The following PIGB variants were observed in gnomAD, a reference collection of about 807,000 sequenced individuals.
PIGB encodes GPI alpha-1,2-mannosyltransferase 3.
Under a neutral mutation model 68.4 loss-of-function variants are expected in PIGB, and 58 were observed. That is an observed-to-expected ratio of 0.85 (90% CI 0.69 to 1.06). The LOEUF is 1.06. Ranked by LOEUF, PIGB falls within the 50% of genes least tolerant of loss-of-function variation. The pLI is 0.00. For synonymous variants in PIGB, 219 were observed against 220.5 expected (o/e 0.99, Z 0.06); for missense variants, 634 against 655.8 (o/e 0.97, Z 0.36).
At chr15:55,321,249 A>T in intron 2 of PIGB, 24 bp from the exon 3 acceptor site, 2 of 1,539,894 alleles carry the variant, frequency 1.3e-6, no homozygotes, top group Admixed American at 2.2e-5. Context: ...ATATTATTGG[A>T]CATTTACTCC....
intron 5 of PIGB, among the ~76,000 whole-genome samples, chr15:55,333,019 A>G (rs1319962931): frequency 6.6e-6 from 1 of 152,176 alleles, no homozygotes; most frequent in African/African-American, 2.4e-5. Flanking sequence ...GTTTCTTTAA[A>G]TGCTCATGCT....
chr15:55,319,414 G>A lies in PIGB; in HGVS notation c.163+1G>A. On this transcript the variant is annotated splice_donor_variant, in intron 1 of 11. Transcript: ENST00000164305. LOFTEE classifies it high-confidence loss of function. The stretch of plus-strand genomic sequence containing the variant: ...GAGAAGAGCGCCAGGCGCCGCGGGG[G>A]TGAGTGAGGGGACACTGTCTGGAGA... The A allele has an allele frequency of 1.3e-6, 2 of 1,551,486 alleles. No homozygotes were observed. The highest frequency in any genetic ancestry group is 1.7e-6 in the Non-Finnish European group (2 of 1,146,820).
At chr15:55,343,777 C>T (rs2055727056) in intron 9 of PIGB, among the ~76,000 whole-genome samples, 1 of 152,166 alleles carries the variant, frequency 6.6e-6, no homozygotes, top group Non-Finnish European at 1.5e-5. Flanking sequence ...CCTTGATCTC[C>T]TCACAGGATG....
intron 3 of PIGB, among the ~76,000 whole-genome samples, chr15:55,322,191 A>G (rs1465993315): frequency 3.9e-5 from 6 of 151,940 alleles, no homozygotes; most frequent in Non-Finnish European, 8.8e-5. Flanking sequence ...CCCGCAAAAA[A>G]AGTATCACTT....
chr15:55,333,158 G>T (rs2141184186), intron 5 of PIGB, among the ~76,000 whole-genome samples: 1 of 152,002 alleles, frequency 6.6e-6, no homozygotes, highest in African/African-American at 2.4e-5. Flanking sequence ...TAGCACACAA[G>T]ACTGGCATTA....
At chr15:55,343,907 A>G (rs2055730357) in intron 9 of PIGB, among the ~76,000 whole-genome samples, 1 of 152,204 alleles carries the variant, frequency 6.6e-6, no homozygotes, top group African/African-American at 2.4e-5. Flanking sequence ...TTCCAACAGT[A>G]GGATCAGTTC....
chr15:55,353,126 C>A (rs929124601), intron 10 of PIGB, among the ~76,000 whole-genome samples: 2 of 152,190 alleles, frequency 1.3e-5, no homozygotes, highest in Non-Finnish European at 2.9e-5. Context: ...GTTCTTTATA[C>A]TTAACTGTAG....
In PIGB at chr15:55,320,323, G is replaced by A. The variant is rs369838467; in HGVS notation, c.212G>A (p.Arg71Gln). ...IYLLLFTIAL[R>Q]ILNCFLVQTS... ...CTGCTCTTGTTTACCATAGCTTTAC[G>A]AATATTAAACTGCTTTTTAGTGCAG... Residue 71 changes from arginine to glutamine, a missense_variant, in exon 2 of 12, where the codon CGA becomes CAA. By Grantham distance (43) the Arg-to-Gln change is conservative. Transcript: ENST00000164305. The A allele has an allele frequency of 6.2e-6, 10 of 1,612,606 alleles. No homozygotes were observed. The highest frequency in any genetic ancestry group is 2.7e-5 in the African/African-American group (2 of 74,878).
At chr15:55,347,283 G>A (rs550675761) in intron 9 of PIGB, among the ~76,000 whole-genome samples, 4 of 152,184 alleles carry the variant, frequency 2.6e-5, no homozygotes, top group African/African-American at 7.2e-5. Flanking sequence ...AAAATTAGCC[G>A]GGCATGGCGG....
intron 1 of PIGB, chr15:55,319,771 G>C (rs992127696): frequency 1.5e-5 from 3 of 203,572 alleles, no homozygotes; most frequent in Admixed American, 1.1e-4. Context: ...TGTAAAATGG[G>C]GCTAATAATA....
chr15:55,350,037 G>A, intron 9 of PIGB: 1 of 151,682 alleles, frequency 6.6e-6, no homozygotes, highest in Admixed American at 6.6e-5. Flanking sequence ...TTTTTGTTTT[G>A]TTTTGCCCCA....
In PIGB at chr15:55,355,375, CAT is replaced by C. The variant is rs769773951; in HGVS notation, c.1613_1614del (p.Tyr538CysfsTer3). 2 of 1,611,352 alleles carry C rather than the reference CAT, an allele frequency of 1.2e-6. No homozygotes were observed. The highest frequency in any genetic ancestry group is 1.3e-5 in the African/African-American group (1 of 74,932). ...HLPEGRIGSH[I>X]YVYERKLKGK... ...TGCCAGAGGGTCGAATTGGAAGTCACATATATGTCTATGAACGGAAGTTAAAA... is the reference window on the plus strand; with the variant it reads ...TGCCAGAGGGTCGAATTGGAAGTCACATATGTCTATGAACGGAAGTTAAAA... On this transcript the variant is annotated frameshift_variant, in exon 12 of 12. Transcript: ENST00000164305. LOFTEE classifies it high-confidence loss of function.
At position 55,325,133 on chromosome 15, in the gene PIGB, C is replaced by G. The variant is rs971269140; in HGVS notation, c.418-2398C>G. ...CCTGAGGTCAGGAGTTCGAGACTAGCTGGCCAACATGGTGAAACCCCATCT... is the reference window on the plus strand; with the variant it reads ...CCTGAGGTCAGGAGTTCGAGACTAGGTGGCCAACATGGTGAAACCCCATCT... On this transcript the variant is annotated intron_variant, in intron 3 of 11. Transcript: ENST00000164305. Among the ~76,000 whole-genome samples the G allele has an allele frequency of 8.6e-5, 13 of 151,946 alleles. No individual in the cohort carries two copies. The East Asian group carries it at 9.7e-4, about 11-fold the overall frequency.
At chr15:55,321,514 T>A in intron 3 of PIGB, 124 bp downstream of exon 3, 1 of 666,382 alleles carries the variant, frequency 1.5e-6, no homozygotes, top group Non-Finnish European at 2.5e-6. Flanking sequence ...CTGTGATGTG[T>A]AACTCTTTAG....
chr15:55,341,645 G>A, intron 8 of PIGB, 93 bp from the exon 9 acceptor site: 1 of 421,308 alleles, frequency 2.4e-6, no homozygotes, highest in Non-Finnish European at 4.0e-6. Context: ...AATAGATCAA[G>A]TTAAATATAT....
chr15:55,343,258 T>G (rs2055713414), intron 9 of PIGB: 1 of 152,226 alleles, frequency 6.6e-6, no homozygotes, highest in Non-Finnish European at 1.5e-5. Flanking sequence ...TACAAAAATT[T>G]AGACATCTAA....
chr15:55,320,414 T>TC lies in PIGB; in HGVS notation c.299+6dup. ...TTTCACATCACATGGTTTTCAAATA[T>TC]CCTTTGTGGTTTCTTTTCCAGACTA... On this transcript the variant is annotated splice_donor_region_variant and intron_variant, in intron 2 of 11. Coordinates refer to ENST00000164305, the MANE Select transcript of PIGB (RefSeq NM_004855.5). 6.2e-7 allele frequency: 1 copy of TC among 1,611,942 alleles called. No individual in the cohort carries two copies. Among genetic ancestry groups the TC allele is most frequent in the Non-Finnish European group, 8.5e-7 (1 of 1,179,262 alleles).
At chr15:55,347,825 TAA>T (rs1327689137) in intron 9 of PIGB, among the ~76,000 whole-genome samples, 5 of 152,116 alleles carry the variant, frequency 3.3e-5, no homozygotes, top group African/African-American at 1.2e-4. Context: ...TTACCTAACT[TAA>T]GAGACGCTCT....
chr15:55,324,301 T>C (rs1476311137), intron 3 of PIGB, among the ~76,000 whole-genome samples: 1 of 152,186 alleles, frequency 6.6e-6, no homozygotes, highest in African/African-American at 2.4e-5. Flanking sequence ...AGTGCTCAAG[T>C]TACGCCTGGC....
Sources: gnomAD v4.1 joint callset for allele counts (sites outside exome capture counted in the v4.1 genomes callset) on GRCh38, gnomAD v4.1.1 for gene constraint, MANE v1.5 for transcripts, NCBI Gene and HGNC (gene_info 2026-07-23, HGNC 2026-07-21) for gene names.